NPEPPS: variants seen among roughly 807,000 people sequenced by gnomAD.
NPEPPS encodes the protein puromycin-sensitive aminopeptidase.
A neutral mutation model predicts 115.5 loss-of-function variants in NPEPPS; 14 were observed. The observed-to-expected ratio is 0.12, with a 90% confidence interval of 0.08 to 0.19. The LOEUF is 0.19. Among genes scored for constraint, NPEPPS ranks in the 10% least tolerant of loss-of-function variants. NPEPPS has a pLI of 1.00. For missense variants in NPEPPS, 523 were observed against 1,110.8 expected, an observed-to-expected ratio of 0.47 and a Z score of 7.52; for synonymous variants, 285 against 390.6, an observed-to-expected ratio of 0.73 and a Z score of 3.19.
At position 47,582,642 on chromosome 17, in the gene NPEPPS, C is replaced by A. The variant is rs531652026; in HGVS notation, c.541-100C>A. ...ACTGAAGAGAAAGTAAATATTTGAA[C>A]AAGGGAATGAATGAATGACAGAGGG... On this transcript the variant is annotated intron_variant, in intron 4 of 22. Transcript: ENST00000322157. 64 of 803,280 alleles carry A rather than the reference C, an allele frequency of 8.0e-5. No individual in the cohort carries two copies. In the African/African-American group the frequency reaches 1.0e-3, roughly 13 times the overall value. 49.8% of individuals were successfully genotyped at this position (803,280 alleles called of 1,614,324 possible). A position where few individuals can be genotyped will look rare whatever the true frequency, so the allele number is the denominator to read the frequency against.
intron 2 of NPEPPS, among the ~76,000 whole-genome samples, chr17:47,568,758 C>T (rs1324324700): frequency 6.6e-6 from 1 of 151,994 alleles, no homozygotes; most frequent in African/African-American, 2.4e-5. Flanking sequence ...CGGGTTCAAG[C>T]GATTCTCCTG....
In NPEPPS at chr17:47,619,104, C is replaced by G; in HGVS notation, c.2499C>G (p.Asp833Glu). 2 of 1,613,842 alleles carry G rather than the reference C, an allele frequency of 1.2e-6. No individual in the cohort carries two copies. The highest frequency in any genetic ancestry group is 1.7e-6 in the Non-Finnish European group (2 of 1,179,814). ...GRKAAWKFIK[D>E]NWEELYNRYQ... ...AAGCTGCTTGGAAATTCATAAAGGA[C>G]AACTGGGAAGAACTTTATAACCGAT... Residue 833 changes from aspartate to glutamate, a missense_variant, in exon 21 of 23, where the codon GAC (aspartate) becomes GAG (glutamate). This residue lies in a region of NPEPPS where 372 missense variants were observed against 542.6 expected (regional missense o/e 0.69). Transcript: ENST00000322157.
Position 47,524,535 on chromosome 17 carries a change from C to A in NPEPPS, c.77+1472C>A, listed in dbSNP as rs186164206. On this transcript the variant is annotated intron_variant, in intron 1 of 5. Transcript: ENST00000525007. ...TTTGAGACGGAGTCTTGCTCTGTTG[C>A]GCAGGCTGGAGTGCAGTGGCGCGAT... is the stretch of plus-strand genomic sequence containing the variant. Among the ~76,000 whole-genome samples, 1,188 of 151,618 alleles carry A rather than the reference C, an allele frequency of 7.8e-3. 7 individuals are homozygous for A. Among genetic ancestry groups the A allele is most frequent in the African/African-American group, 0.024 (996 of 41,320 alleles).
chr17:47,535,262 A>G, intron 1 of NPEPPS, among the ~76,000 whole-genome samples: 1 of 91,668 alleles, frequency 1.1e-5, no homozygotes, highest in South Asian at 3.9e-4. Context: ...AAAAAAAAAA[A>G]AAAAAAAGGC....
intron 2 of NPEPPS, among the ~76,000 whole-genome samples, chr17:47,562,243 T>G (rs1016554995): frequency 1.3e-5 from 2 of 152,250 alleles, no homozygotes; most frequent in Non-Finnish European, 2.9e-5. Flanking sequence ...AAGTTCTGGA[T>G]GAGGCCTAGC....
intron 1 of NPEPPS, among the ~76,000 whole-genome samples, chr17:47,538,264 G>C (rs1228359794): frequency 1.5e-5 from 2 of 130,866 alleles, no homozygotes; most frequent in Non-Finnish European, 3.2e-5. Context: ...CCAGGCTGGA[G>C]TGTGCAGTGG....
chr17:47,606,034 C>T (rs1265610613), intron 17 of NPEPPS, among the ~76,000 whole-genome samples: 3 of 152,016 alleles, frequency 2.0e-5, no homozygotes, highest in East Asian at 1.9e-4. Context: ...TGTGCCACCA[C>T]GCCTGGTTAC....
At chr17:47,608,860 G>A (rs936408570) in intron 17 of NPEPPS, among the ~76,000 whole-genome samples, 7 of 152,200 alleles carry the variant, frequency 4.6e-5, no homozygotes, top group Non-Finnish European at 1.0e-4. Context: ...ACTACACTAA[G>A]TCAAACAGAA....
At chr17:47,547,752 C>T (rs553995623) in intron 2 of NPEPPS, among the ~76,000 whole-genome samples, 3 of 152,090 alleles carry the variant, frequency 2.0e-5, no homozygotes, top group Non-Finnish European at 4.4e-5. Flanking sequence ...TACGGCCGGG[C>T]GCGGTGGCTC....
At chr17:47,586,299 A>G (rs896480583) in intron 7 of NPEPPS, 55 bp downstream of exon 7, 72 of 1,130,756 alleles carry the variant, frequency 6.4e-5, no homozygotes, top group Non-Finnish European at 8.5e-5. Context: ...AAATTTTGTG[A>G]CTTTTGATGC....
chr17:47,612,330 ATTAAG>A (rs1360145513), intron 17 of NPEPPS, 125 bp from the exon 18 acceptor site: 1 of 811,058 alleles, frequency 1.2e-6, no homozygotes, highest in Non-Finnish European at 1.9e-6. Flanking sequence ...TCTCTCAGGT[ATTAAG>A]TTAATTGAGT....
At chr17:47,615,313 T>C (rs28630034) in intron 19 of NPEPPS, among the ~76,000 whole-genome samples, 2 of 152,154 alleles carry the variant, frequency 1.3e-5, no homozygotes, top group Non-Finnish European at 2.9e-5. Flanking sequence ...CCTGACCTTG[T>C]GATCCACCCG....
At chr17:47,582,660 A>G (rs1167283947) in intron 4 of NPEPPS, 82 bp from the exon 5 acceptor site, 1 of 875,256 alleles carries the variant, frequency 1.1e-6, no homozygotes. Flanking sequence ...TGAATGAATG[A>G]CAGAGGGAAA....
upstream of NPEPPS, among the ~76,000 whole-genome samples, chr17:47,527,484 CA>C (rs1428554981): frequency 6.6e-6 from 1 of 150,618 alleles, no homozygotes; most frequent in Admixed American, 6.6e-5. Flanking sequence ...AACTCCATCT[CA>C]AAAAAAACCC....
intron 1 of NPEPPS, among the ~76,000 whole-genome samples, chr17:47,544,957 G>T (rs1204402293): frequency 1.3e-5 from 2 of 148,486 alleles, no homozygotes; most frequent in South Asian, 4.4e-4. Flanking sequence ...CGCCTGCCTC[G>T]GCCTCCCAAG....
intron 19 of NPEPPS, 113 bp from the exon 20 acceptor site, chr17:47,618,237 T>C: frequency 1.5e-6 from 1 of 656,482 alleles, no homozygotes; most frequent in Non-Finnish European, 2.7e-6. Flanking sequence ...CATTCTTACC[T>C]AGTGAGAATA....
rs1567876953 is a variant in NPEPPS at position 47,622,430 on chromosome 17, T to G, written c.*510T>G. 6.0e-6 allele frequency: 1 copy of G among 166,364 alleles called. No homozygotes were observed. The highest frequency in any genetic ancestry group is 1.3e-5 in the Non-Finnish European group (1 of 77,654). The allele number at this position is 166,364 out of a possible 1,614,324, so 10.3% of individuals were successfully genotyped here. On this transcript the variant is annotated 3_prime_UTR_variant, in exon 23 of 23. Coordinates refer to ENST00000322157, the MANE Select transcript of NPEPPS (RefSeq NM_006310.4). The stretch of plus-strand genomic sequence containing the variant: ...CAGTGCATAATTCCAAGTGGCTTTT[T>G]TTTTTTTTGGCACGGGGACTGATCA...
intron 19 of NPEPPS, among the ~76,000 whole-genome samples, chr17:47,618,022 C>A (rs577601832): frequency 2.5e-4 from 38 of 151,544 alleles, no homozygotes; most frequent in Admixed American, 2.1e-3. Context: ...TACAGGTGGG[C>A]ACCACCACGC....
intron 19 of NPEPPS, among the ~76,000 whole-genome samples, chr17:47,614,874 C>A (rs1401302811): frequency 6.6e-6 from 1 of 152,192 alleles, no homozygotes; most frequent in African/African-American, 2.4e-5. Context: ...CAACACTCTT[C>A]TGACTTACAG....
Sources: gnomAD v4.1 joint callset for allele counts (sites outside exome capture counted in the v4.1 genomes callset) on GRCh38, gnomAD v4.1.1 for gene constraint, gnomAD v4.1.1 regional missense constraint, MANE v1.5 for transcripts, NCBI Gene and HGNC (gene_info 2026-07-23, HGNC 2026-07-21) for gene names.